FBXL17: variants seen among roughly 807,000 people sequenced by gnomAD.
FBXL17 encodes the protein F-box/LRR-repeat protein 17.
A neutral mutation model predicts 66.2 loss-of-function variants in FBXL17; 22 were observed. The observed-to-expected ratio is 0.33, with a 90% CI of 0.24 to 0.47. The LOEUF is 0.47. FBXL17 is among the 20% of genes least tolerant of loss of function. FBXL17 has a pLI of 1.00. For missense variants in FBXL17, 878 were observed against 948.2 expected (o/e 0.93, Z 0.97); for synonymous variants, 474 against 400.5 (o/e 1.18, Z -2.19).
At chr5:108,238,857 T>G (rs894898810) in intron 4 of FBXL17, among the ~76,000 whole-genome samples, 4 of 152,090 alleles carry the variant, frequency 2.6e-5, no homozygotes, top group Admixed American at 6.6e-5. Flanking sequence ...GTGGTTAACG[T>G]GGAAAGCAGC....
chr5:108,051,367 G>T (rs1007907608), intron 6 of FBXL17, among the ~76,000 whole-genome samples: 1 of 152,180 alleles, frequency 6.6e-6, no homozygotes, highest in Non-Finnish European at 1.5e-5. Flanking sequence ...AAATCCAGCA[G>T]CACATCACAA....
At chr5:107,898,245 A>G (rs1013966054) in intron 7 of FBXL17, among the ~76,000 whole-genome samples, 58 of 152,236 alleles carry the variant, frequency 3.8e-4, no homozygotes, top group African/African-American at 1.3e-3. Flanking sequence ...TACCATAAAC[A>G]CTTTTAGTGA....
At chr5:108,179,121 T>C (rs1432644053) in intron 6 of FBXL17, among the ~76,000 whole-genome samples, 1 of 152,216 alleles carries the variant, frequency 6.6e-6, no homozygotes, top group African/African-American at 2.4e-5. Flanking sequence ...ATATAGCATA[T>C]GTTCACAAAA....
intron 4 of FBXL17, among the ~76,000 whole-genome samples, chr5:108,283,381 G>A (rs968041148): frequency 1.3e-5 from 2 of 151,784 alleles, no homozygotes; most frequent in Non-Finnish European, 2.9e-5. Flanking sequence ...ACAGAACCCA[G>A]AAATAAAGCC....
intron 4 of FBXL17, among the ~76,000 whole-genome samples, chr5:108,255,803 T>C (rs1756552327): frequency 6.6e-6 from 1 of 152,076 alleles, no homozygotes; most frequent in Non-Finnish European, 1.5e-5. Context: ...GGGGAGGAAA[T>C]TAGAGGAAAA....
chr5:108,187,023 T>C (rs113870865), intron 5 of FBXL17, among the ~76,000 whole-genome samples: 174 of 152,260 alleles, frequency 1.1e-3, no homozygotes, highest in African/African-American at 3.8e-3. Flanking sequence ...TGGTGATATA[T>C]TATCAATGTA....
chr5:108,351,893 C>G (rs1167739947), intron 3 of FBXL17, among the ~76,000 whole-genome samples: 1 of 152,184 alleles, frequency 6.6e-6, no homozygotes, highest in African/African-American at 2.4e-5. Flanking sequence ...TTGGTAGAAC[C>G]TCAGGTTAAG....
At chr5:107,914,853 C>T (rs769076877) in intron 7 of FBXL17, among the ~76,000 whole-genome samples, 1 of 152,142 alleles carries the variant, frequency 6.6e-6, no homozygotes, top group Non-Finnish European at 1.5e-5. Flanking sequence ...TGAACTGTTG[C>T]TCCAAACCTT....
At chr5:108,260,156 T>C (rs1756751714) in intron 4 of FBXL17, among the ~76,000 whole-genome samples, 1 of 152,076 alleles carries the variant, frequency 6.6e-6, no homozygotes. Flanking sequence ...AAAGCATACA[T>C]CTTCACCACG....
chr5:108,218,233 C>G (rs1416360524), intron 5 of FBXL17, among the ~76,000 whole-genome samples: 3 of 151,948 alleles, frequency 2.0e-5, no homozygotes, highest in Non-Finnish European at 4.4e-5. Context: ...TGGTCTCAAA[C>G]TCCTGACCTC....
At chr5:108,073,547 A>G (rs1748422554) in intron 6 of FBXL17, among the ~76,000 whole-genome samples, 1 of 152,326 alleles carries the variant, frequency 6.6e-6, no homozygotes, top group Admixed American at 6.5e-5. Context: ...CAAGTAATAT[A>G]GAAATAAAAA....
intron 6 of FBXL17, among the ~76,000 whole-genome samples, chr5:108,084,806 TC>T (rs975529811): frequency 6.6e-5 from 10 of 152,122 alleles, no homozygotes; most frequent in Admixed American, 2.6e-4. Flanking sequence ...TAATAAAATC[TC>T]CAAGAAAATG....
At chr5:108,016,490 A>G (rs187418287) in intron 7 of FBXL17, among the ~76,000 whole-genome samples, 291 of 152,324 alleles carry the variant, frequency 1.9e-3, no homozygotes, top group African/African-American at 6.8e-3. Flanking sequence ...CAGGAGTGCT[A>G]AAGTGAAAAA....
At chr5:107,925,492 T>C (rs1016496426) in intron 7 of FBXL17, among the ~76,000 whole-genome samples, 4 of 152,216 alleles carry the variant, frequency 2.6e-5, no homozygotes, top group Non-Finnish European at 5.9e-5. Flanking sequence ...ACAGCACGTT[T>C]TGGCCCCACA....
At chr5:107,896,583 A>C (rs1281376233) in intron 7 of FBXL17, among the ~76,000 whole-genome samples, 1 of 152,156 alleles carries the variant, frequency 6.6e-6, no homozygotes, top group Non-Finnish European at 1.5e-5. Context: ...TTTTTTTATC[A>C]TGTTTAATGC....
chr5:107,940,505 A>G (rs1751056329), intron 7 of FBXL17, among the ~76,000 whole-genome samples: 1 of 152,184 alleles, frequency 6.6e-6, no homozygotes. Flanking sequence ...CTTCAGGGGC[A>G]TGTTTAAAAA....
chr5:108,046,237 T>C (rs1338393507), intron 6 of FBXL17, among the ~76,000 whole-genome samples: 2 of 152,230 alleles, frequency 1.3e-5, no homozygotes, highest in Non-Finnish European at 2.9e-5. Context: ...TTTTCTAAAA[T>C]ATACTTTATC....
intron 6 of FBXL17, among the ~76,000 whole-genome samples, chr5:108,050,155 C>T (rs1747414316): frequency 6.6e-6 from 1 of 152,154 alleles, no homozygotes; most frequent in African/African-American, 2.4e-5. Context: ...TTTAACAACC[C>T]TCTGTCAATA....
At chr5:107,956,163 C>T (rs920855393) in intron 7 of FBXL17, among the ~76,000 whole-genome samples, 5 of 152,138 alleles carry the variant, frequency 3.3e-5, no homozygotes, top group African/African-American at 1.2e-4. Flanking sequence ...TAGATATACA[C>T]ACACACACAA....
Sources: allele counts gnomAD v4.1 joint callset (sites outside exome capture counted in the v4.1 genomes callset), GRCh38; gene constraint gnomAD v4.1.1; transcripts MANE v1.5; gene names NCBI Gene and HGNC (gene_info 2026-07-23, HGNC 2026-07-21).